MPPED2: variants seen among roughly 807,000 people sequenced by gnomAD.
The protein encoded by MPPED2 is metallophosphoesterase MPPED2.
In MPPED2, 5 loss-of-function variants were observed where a neutral mutation model predicts 33.0. That is an observed-to-expected ratio of 0.15 (90% CI 0.08 to 0.32). The LOEUF (loss-of-function observed/expected upper bound fraction) is 0.32. Ranked by LOEUF, MPPED2 falls within the 10% of genes least tolerant of loss-of-function variation. The pLI, the probability that MPPED2 is intolerant of heterozygous loss-of-function variation, is 1.00. For synonymous variants in MPPED2, 136 were observed against 141.9 expected (o/e 0.96, Z 0.29); for missense variants, 275 against 372.1 (o/e 0.74, Z 2.15).
At chr11:30,415,258 T>G (rs1307010911) in intron 5 of MPPED2, among the ~76,000 whole-genome samples, 2 of 151,990 alleles carry the variant, frequency 1.3e-5, no homozygotes, top group Non-Finnish European at 2.9e-5. Flanking sequence ...TTCGCTGGGG[T>G]TTAAGGAGTG....
chr11:30,484,312 GC>G (rs1191026367), intron 4 of MPPED2, among the ~76,000 whole-genome samples: 1 of 152,014 alleles, frequency 6.6e-6, no homozygotes, highest in Non-Finnish European at 1.5e-5. Context: ...ACTTCTCATT[GC>G]CTGTTTATTT....
chr11:30,495,442 A>G lies in MPPED2; in HGVS notation c.390T>C (p.Leu130=). Residue 130 remains leucine (L), a synonymous_variant, in exon 4 of 7, where the codon CTT becomes CTC. Transcript: ENST00000358117. The stretch of plus-strand genomic sequence containing the variant: ...GGAAACGGTAGTAGTCCTGTTTAAC[A>G]AGGTCTGCCATGAATTCCTTATCAA... ...LTFDKEFMAD[L]VKQDYYRFPS... 6.2e-6 allele frequency: 10 copies of G among 1,614,148 alleles called. No homozygotes were observed. Among genetic ancestry groups the G allele is most frequent in the Non-Finnish European group, 7.6e-6 (9 of 1,179,988 alleles).
In MPPED2 at chr11:30,411,068, C is replaced by T; in HGVS notation, c.*400G>A. 1 of 986,530 alleles carries T rather than the reference C, an allele frequency of 1.0e-6. No homozygotes were observed. Among genetic ancestry groups the T allele is most frequent in the Non-Finnish European group, 1.2e-6 (1 of 830,428 alleles). The allele number at this position is 986,530 out of a possible 1,614,324, so 61.1% of individuals were successfully genotyped here. A position where few individuals can be genotyped will look rare whatever the true frequency, so the allele number is the denominator to read the frequency against. On this transcript the variant is annotated 3_prime_UTR_variant, in exon 7 of 7. Transcript: ENST00000358117. ...ACATTGAAAATTAAAATATTTCAAA[C>T]AATACTCTTAAACAGTTGTGCAAAT...
chr11:30,487,092 C>G (rs925066671), intron 4 of MPPED2, among the ~76,000 whole-genome samples: 1 of 152,230 alleles, frequency 6.6e-6, no homozygotes, highest in Non-Finnish European at 1.5e-5. Flanking sequence ...GGACAAAGTA[C>G]AGGTCCTTGC....
chr11:30,392,092 A>G (rs1054480975), intron 6 of MPPED2, among the ~76,000 whole-genome samples: 1 of 152,214 alleles, frequency 6.6e-6, no homozygotes, highest in Non-Finnish European at 1.5e-5. Flanking sequence ...TTCAAACTAT[A>G]CTATTTCTCT....
chr11:30,400,779 G>C (rs1368892753), intron 6 of MPPED2, among the ~76,000 whole-genome samples: 1 of 131,820 alleles, frequency 7.6e-6, no homozygotes, highest in Non-Finnish European at 1.6e-5. Flanking sequence ...TTTTTTTTTA[G>C]ATATAGCATC....
intron 1 of MPPED2, among the ~76,000 whole-genome samples, chr11:30,585,136 TCAAAGGCTTTA>T (rs1437567444): frequency 2.0e-5 from 3 of 152,030 alleles, no homozygotes; most frequent in Non-Finnish European, 4.4e-5. Context: ...ACCCCGGAAT[TCAAAGGCTTTA>T]CAAAGATAAC....
Position 30,471,506 on chromosome 11 carries a change from A to G in MPPED2, c.536+23790T>C, listed in dbSNP as rs186985329. ...CTTTCTGCCTTAAATATCCTCTTCC[A>G]GATTCGTCTCAGTCTTCCTGAAGCT... is the stretch of plus-strand genomic sequence containing the variant. On this transcript the variant is annotated intron_variant, in intron 4 of 6. Coordinates refer to ENST00000358117, the MANE Select transcript of MPPED2 (RefSeq NM_001584.3). Among the ~76,000 whole-genome samples the G allele has an allele frequency of 2.7e-3, 411 of 152,298 alleles. 1 individual carries two copies. The highest frequency in any genetic ancestry group is 4.6e-3 in the Non-Finnish European group (315 of 68,036).
downstream of MPPED2, among the ~76,000 whole-genome samples, chr11:30,384,182 G>T (rs1590142693): frequency 6.6e-6 from 1 of 152,112 alleles, no homozygotes; most frequent in Admixed American, 6.5e-5. Flanking sequence ...AATACACAGA[G>T]ACATGTAATC....
chr11:30,527,808 C>G (rs934798530), intron 3 of MPPED2, among the ~76,000 whole-genome samples: 1 of 152,186 alleles, frequency 6.6e-6, no homozygotes, highest in South Asian at 2.1e-4. Context: ...CCCCCTGTCT[C>G]TCCAATTCCT....
At chr11:30,472,135 T>G (rs10767852) in intron 4 of MPPED2, among the ~76,000 whole-genome samples, 22,239 of 152,104 alleles carry the variant, frequency 0.15, 1,808 homozygotes, top group African/African-American at 0.22. Flanking sequence ...GGGGCAAGGC[T>G]GGAGGACAGT....
chr11:30,417,299 T>C (rs952512746), intron 5 of MPPED2, among the ~76,000 whole-genome samples: 1 of 152,172 alleles, frequency 6.6e-6, no homozygotes, highest in South Asian at 2.1e-4. Context: ...TTCCCTGACT[T>C]GACTAAATCA....
At chr11:30,392,038 G>A (rs1290788776) in intron 6 of MPPED2, among the ~76,000 whole-genome samples, 1 of 152,184 alleles carries the variant, frequency 6.6e-6, no homozygotes, top group Non-Finnish European at 1.5e-5. Flanking sequence ...AAGTAGTTGT[G>A]AGAATTAAGG....
At chr11:30,404,551 T>C (rs1467924626) in intron 6 of MPPED2, among the ~76,000 whole-genome samples, 1 of 152,228 alleles carries the variant, frequency 6.6e-6, no homozygotes, top group East Asian at 1.9e-4. Flanking sequence ...TTTCCTAGGC[T>C]AGCTGCCTGT....
chr11:30,407,824 T>C (rs1377760444), downstream of MPPED2, among the ~76,000 whole-genome samples: 1 of 152,048 alleles, frequency 6.6e-6, no homozygotes, highest in Non-Finnish European at 1.5e-5. Flanking sequence ...TGAGCTGGGA[T>C]TGCACCGCTG....
intron 2 of MPPED2, among the ~76,000 whole-genome samples, chr11:30,568,099 C>T (rs1956525692): frequency 6.6e-6 from 1 of 152,158 alleles, no homozygotes; most frequent in South Asian, 2.1e-4. Context: ...ATAATAGCCA[C>T]CATACATGGA....
downstream of MPPED2, among the ~76,000 whole-genome samples, chr11:30,408,874 G>A (rs892888195): frequency 2.0e-5 from 3 of 152,202 alleles, no homozygotes; most frequent in African/African-American, 7.2e-5. Flanking sequence ...CAATTTGTAA[G>A]AGCTGTTTTG....
At chr11:30,542,887 G>T (rs1352613890) in intron 2 of MPPED2, among the ~76,000 whole-genome samples, 1 of 152,168 alleles carries the variant, frequency 6.6e-6, no homozygotes, top group East Asian at 1.9e-4. Context: ...TGCACTTGGA[G>T]AATAAAAATA....
intron 1 of MPPED2, among the ~76,000 whole-genome samples, chr11:30,581,129 T>C (rs1369094556): frequency 4.6e-5 from 7 of 152,108 alleles, no homozygotes; most frequent in African/African-American, 1.4e-4. Context: ...TTGTTAAATG[T>C]AGTGTCATTT....
Sources: allele counts gnomAD v4.1 joint callset (sites outside exome capture counted in the v4.1 genomes callset), GRCh38; gene constraint gnomAD v4.1.1; transcripts MANE v1.5; gene names NCBI Gene and HGNC (gene_info 2026-07-23, HGNC 2026-07-21).